CPNE4: variants seen among roughly 807,000 people sequenced by gnomAD.
CPNE4 encodes copine-4.
In CPNE4, 25 loss-of-function variants were observed where a neutral mutation model predicts 67.9. That is an observed-to-expected ratio of 0.37 (90% CI 0.27 to 0.51). CPNE4 has a LOEUF of 0.51. CPNE4 is among the 20% of genes least tolerant of loss of function. The pLI is 0.93. For missense variants in CPNE4, 464 were observed against 690.8 expected (o/e 0.67, Z 3.68); for synonymous variants, 242 against 244.9 (o/e 0.99, Z 0.11).
At chr3:131,908,600 C>G (rs773779652) in intron 1 of CPNE4, among the ~76,000 whole-genome samples, 2 of 152,038 alleles carry the variant, frequency 1.3e-5, no homozygotes, top group Non-Finnish European at 1.5e-5. Context: ...TCCTTATAGG[C>G]TCATGCCAAG....
chr3:131,796,292 T>G (rs1374040624), intron 2 of CPNE4, among the ~76,000 whole-genome samples: 1 of 152,196 alleles, frequency 6.6e-6, no homozygotes, highest in African/African-American at 2.4e-5. Flanking sequence ...GTTAACGACG[T>G]AGCAGGGTTA....
intron 2 of CPNE4, among the ~76,000 whole-genome samples, chr3:131,750,937 G>A (rs909206002): frequency 1.3e-5 from 2 of 152,052 alleles, no homozygotes; most frequent in Non-Finnish European, 2.9e-5. Flanking sequence ...TGAGTTGATA[G>A]TTCTTTTCTT....
chr3:131,732,660 C>T (rs558387208), intron 2 of CPNE4, among the ~76,000 whole-genome samples: 1 of 152,340 alleles, frequency 6.6e-6, no homozygotes, highest in East Asian at 1.9e-4. Context: ...CCCAGGGCAT[C>T]TCAGAGTCTC....
intron 1 of CPNE4, among the ~76,000 whole-genome samples, chr3:131,976,748 C>T (rs941912961): frequency 2.0e-5 from 3 of 151,756 alleles, no homozygotes; most frequent in African/African-American, 7.3e-5. Flanking sequence ...ACACTAAAAA[C>T]ACCAAACACT....
intron 7 of CPNE4, among the ~76,000 whole-genome samples, chr3:131,619,087 T>C (rs1940323773): frequency 6.6e-6 from 1 of 152,086 alleles, no homozygotes; most frequent in African/African-American, 2.4e-5. Flanking sequence ...GGAGCAATTG[T>C]TGGGGAAGGG....
chr3:131,860,139 T>C (rs922272374), intron 2 of CPNE4, among the ~76,000 whole-genome samples: 2 of 152,328 alleles, frequency 1.3e-5, no homozygotes, highest in Non-Finnish European at 2.9e-5. Context: ...TCAGTCCTTC[T>C]GTGTCTGTAA....
At chr3:131,992,432 G>C (rs1194940957) in intron 1 of CPNE4, among the ~76,000 whole-genome samples, 1 of 136,590 alleles carries the variant, frequency 7.3e-6, no homozygotes, top group Non-Finnish European at 1.7e-5. Flanking sequence ...TAGCCCCTTT[G>C]TTTTGGCCAA....
intron 7 of CPNE4, among the ~76,000 whole-genome samples, chr3:131,648,130 T>C (rs1435596754): frequency 2.6e-5 from 4 of 152,192 alleles, no homozygotes; most frequent in Non-Finnish European, 5.9e-5. Context: ...CACAGCATTT[T>C]CAGAGGCAGA....
intron 2 of CPNE4, among the ~76,000 whole-genome samples, chr3:131,748,968 CTCTTA>C (rs1279116131): frequency 9.9e-5 from 15 of 151,474 alleles, no homozygotes; most frequent in African/African-American, 1.9e-4. Context: ...TTTATTTTTG[CTCTTA>C]TCTTCATTAT....
At chr3:131,902,763 G>T (rs1229883361) in intron 2 of CPNE4, among the ~76,000 whole-genome samples, 2 of 151,990 alleles carry the variant, frequency 1.3e-5, no homozygotes, top group African/African-American at 2.4e-5. Context: ...TGGATTTCTT[G>T]CCTGTAATTT....
At chr3:131,566,130 G>T (rs75463970) in intron 10 of CPNE4, among the ~76,000 whole-genome samples, 8,590 of 151,900 alleles carry the variant, frequency 0.057, 339 homozygotes, top group South Asian at 0.099. Context: ...CAAAACACCA[G>T]GACTTCTCAT....
upstream of CPNE4, among the ~76,000 whole-genome samples, chr3:132,036,516 C>T (rs1919986): frequency 0.93 from 141,591 of 152,284 alleles, 66,106 homozygotes; most frequent in African/African-American, 0.98. Flanking sequence ...CAGTGTATGA[C>T]TACTAAATAT....
intron 1 of CPNE4, among the ~76,000 whole-genome samples, chr3:132,003,447 C>T (rs2073505998): frequency 6.6e-6 from 1 of 152,014 alleles, no homozygotes; most frequent in Non-Finnish European, 1.5e-5. Flanking sequence ...ATAATTTATT[C>T]CTGAGGAGCA....
At chr3:131,567,197 G>A (rs1461139228) in intron 10 of CPNE4, among the ~76,000 whole-genome samples, 3 of 152,036 alleles carry the variant, frequency 2.0e-5, no homozygotes, top group South Asian at 2.1e-4. Flanking sequence ...CAATGCAATC[G>A]GGTTATATAG....
chr3:131,694,158 T>C (rs1351988463), intron 5 of CPNE4, among the ~76,000 whole-genome samples: 1 of 152,198 alleles, frequency 6.6e-6, no homozygotes, highest in Non-Finnish European at 1.5e-5. Context: ...TTTAAGTGTA[T>C]GTAGAAACTA....
intron 7 of CPNE4, among the ~76,000 whole-genome samples, chr3:131,632,135 G>A (rs572366411): frequency 4.0e-5 from 6 of 151,644 alleles, no homozygotes; most frequent in Admixed American, 1.3e-4. Context: ...TCAGCCTCCC[G>A]AGTAGCTGGG....
At chr3:131,617,438 C>A (rs1940216214) in intron 7 of CPNE4, among the ~76,000 whole-genome samples, 1 of 152,140 alleles carries the variant, frequency 6.6e-6, no homozygotes, top group South Asian at 2.1e-4. Flanking sequence ...GGGTAGAGAT[C>A]TTTTCATTTT....
intron 2 of CPNE4, among the ~76,000 whole-genome samples, chr3:131,846,154 G>A (rs1560451934): frequency 6.6e-6 from 1 of 152,132 alleles, no homozygotes; most frequent in East Asian, 1.9e-4. Context: ...TTTCCTATAT[G>A]TAAAAATATA....
At chr3:131,834,580 GA>G (rs920643974) in intron 2 of CPNE4, among the ~76,000 whole-genome samples, 47 of 148,080 alleles carry the variant, frequency 3.2e-4, no homozygotes, top group African/African-American at 8.9e-4. Flanking sequence ...TATTTGGAGA[GA>G]AAAAAAAATC....
Sources: gnomAD v4.1 joint callset for allele counts (sites outside exome capture counted in the v4.1 genomes callset) on GRCh38, gnomAD v4.1.1 for gene constraint, MANE v1.5 for transcripts, NCBI Gene and HGNC (gene_info 2026-07-23, HGNC 2026-07-21) for gene names.